The following KCNJ3 variants were observed in gnomAD, a reference collection of about 807,000 sequenced individuals.
KCNJ3 encodes the protein potassium inwardly rectifying channel subfamily J member 3.
In KCNJ3, 4 loss-of-function variants were observed where a neutral mutation model predicts 39.2. The ratio of observed to expected loss-of-function variants is 0.10; its 90% confidence interval spans 0.05 to 0.23. The LOEUF (loss-of-function observed/expected upper bound fraction) is 0.23. KCNJ3 is among the 10% of genes least tolerant of loss of function. The pLI is 1.00. For synonymous variants in KCNJ3, 230 were observed against 237.4 expected (o/e 0.97, Z 0.29); for missense variants, 276 against 634.9 (o/e 0.43, Z 6.08).
chr2:154,752,258 CA>C (rs11285764), intron 2 of KCNJ3, among the ~76,000 whole-genome samples: 16,199 of 150,892 alleles, frequency 0.11, 914 homozygotes, highest in East Asian at 0.19. Context: ...AGTAATACAA[CA>C]AAAAAAATAG....
chr2:154,817,307 A>C (rs1687101312), intron 2 of KCNJ3, among the ~76,000 whole-genome samples: 1 of 152,152 alleles, frequency 6.6e-6, no homozygotes. Context: ...CTACATTAGC[A>C]GTGCTGATAG....
intron 2 of KCNJ3, among the ~76,000 whole-genome samples, chr2:154,835,982 A>G (rs73009138): frequency 0.21 from 31,232 of 152,050 alleles, 3,501 homozygotes; most frequent in East Asian, 0.4. Context: ...AGGCCGAGGC[A>G]GGTTGGTCAC....
At chr2:154,775,869 T>C (rs974719225) in intron 2 of KCNJ3, among the ~76,000 whole-genome samples, 4 of 152,322 alleles carry the variant, frequency 2.6e-5, no homozygotes, top group South Asian at 2.1e-4. Flanking sequence ...GTTTAAGTAA[T>C]ATCTATGAGG....
chr2:154,705,078 G>A (rs1345664897), intron 1 of KCNJ3, among the ~76,000 whole-genome samples: 2 of 152,178 alleles, frequency 1.3e-5, no homozygotes, highest in African/African-American at 4.8e-5. Flanking sequence ...GAATATGATA[G>A]AGGTAAATCT....
At chr2:154,832,160 C>T (rs1248416238) in intron 2 of KCNJ3, among the ~76,000 whole-genome samples, 4 of 152,018 alleles carry the variant, frequency 2.6e-5, no homozygotes, top group Non-Finnish European at 5.9e-5. Flanking sequence ...ATCTAGACAC[C>T]TCCCACCGGG....
At chr2:154,750,953 A>C (rs2121085) in intron 2 of KCNJ3, among the ~76,000 whole-genome samples, 2 of 151,706 alleles carry the variant, frequency 1.3e-5, no homozygotes, top group African/African-American at 2.4e-5. Context: ...AGTTTTGCAT[A>C]TTATCATTGT....
intron 2 of KCNJ3, among the ~76,000 whole-genome samples, chr2:154,808,082 AT>A (rs34093983): frequency 0.011 from 1,582 of 142,026 alleles, 7 homozygotes; most frequent in Middle Eastern, 0.015. Flanking sequence ...GGGCATTTAA[AT>A]TTTTTTTTTT....
At chr2:154,747,221 C>A (rs995402282) in intron 2 of KCNJ3, among the ~76,000 whole-genome samples, 14 of 151,758 alleles carry the variant, frequency 9.2e-5, no homozygotes, top group African/African-American at 3.4e-4. Flanking sequence ...AAACATACAC[C>A]CTTTAAGCTA....
chr2:154,743,715 A>T (rs962018340), intron 2 of KCNJ3, among the ~76,000 whole-genome samples: 1 of 151,512 alleles, frequency 6.6e-6, no homozygotes, highest in Non-Finnish European at 1.5e-5. Flanking sequence ...TTGTTCCAAG[A>T]GGTTTTGTAT....
At chr2:154,802,388 C>T (rs1295064774) in intron 2 of KCNJ3, among the ~76,000 whole-genome samples, 4 of 151,718 alleles carry the variant, frequency 2.6e-5, no homozygotes, top group Non-Finnish European at 5.9e-5. Context: ...TATTATGGTC[C>T]CTGCCATGAC....
At chr2:154,773,834 G>A (rs1297443073) in intron 2 of KCNJ3, among the ~76,000 whole-genome samples, 3 of 152,064 alleles carry the variant, frequency 2.0e-5, no homozygotes, top group Admixed American at 6.6e-5. Context: ...ATTATGAGAT[G>A]TTAACTTTCT....
At chr2:154,849,367 C>T (rs887345173) in intron 2 of KCNJ3, among the ~76,000 whole-genome samples, 1 of 152,050 alleles carries the variant, frequency 6.6e-6, no homozygotes, top group African/African-American at 2.4e-5. Context: ...GTTTGATGTA[C>T]GTGTGATAAA....
At chr2:154,715,536 A>T (rs2105155955) in intron 2 of KCNJ3, among the ~76,000 whole-genome samples, 1 of 152,356 alleles carries the variant, frequency 6.6e-6, no homozygotes, top group South Asian at 2.1e-4. Context: ...ATACCTCATT[A>T]AAACAAAACT....
intron 2 of KCNJ3, among the ~76,000 whole-genome samples, chr2:154,770,892 C>CTTTTTTT (rs35293315): frequency 2.3e-4 from 29 of 127,640 alleles, no homozygotes; most frequent in Non-Finnish European, 3.7e-4. Flanking sequence ...TTTTCTTTTT[C>CTTTTTTT]TTTTTTTTTT....
At chr2:154,839,113 T>C (rs1687530221) in intron 2 of KCNJ3, among the ~76,000 whole-genome samples, 1 of 152,098 alleles carries the variant, frequency 6.6e-6, no homozygotes, top group Non-Finnish European at 1.5e-5. Flanking sequence ...CACCTCCCGA[T>C]AGGCCCTGGT....
At chr2:154,788,772 G>T (rs2256899) in intron 2 of KCNJ3, among the ~76,000 whole-genome samples, 59,929 of 136,818 alleles carry the variant, frequency 0.44, 12,171 homozygotes, top group Middle Eastern at 0.51. Flanking sequence ...AGTGTGAGTT[G>T]TTTTTTTTTT....
At chr2:154,732,972 G>A (rs963845599) in intron 2 of KCNJ3, among the ~76,000 whole-genome samples, 1 of 152,102 alleles carries the variant, frequency 6.6e-6, no homozygotes, top group African/African-American at 2.4e-5. Flanking sequence ...AGTCTGCCCA[G>A]CACAACACTG....
intron 2 of KCNJ3, among the ~76,000 whole-genome samples, chr2:154,805,915 T>C (rs1237706464): frequency 2.0e-5 from 3 of 152,184 alleles, no homozygotes; most frequent in Non-Finnish European, 4.4e-5. Flanking sequence ...TGTTTCAATG[T>C]TCTACATGAA....
At chr2:154,815,827 C>T (rs1406992399) in intron 2 of KCNJ3, among the ~76,000 whole-genome samples, 1 of 152,156 alleles carries the variant, frequency 6.6e-6, no homozygotes, top group African/African-American at 2.4e-5. Flanking sequence ...ATCTCAGGGT[C>T]TTTTCATTTA....
Sources: gnomAD v4.1 joint callset for allele counts (sites outside exome capture counted in the v4.1 genomes callset) on GRCh38, gnomAD v4.1.1 for gene constraint, MANE v1.5 for transcripts, NCBI Gene and HGNC (gene_info 2026-07-23, HGNC 2026-07-21) for gene names.